Variants in PRORP observed in about 807,000 individuals in gnomAD.
The protein encoded by PRORP is mitochondrial ribonuclease P catalytic subunit.
Under a neutral mutation model 59.4 loss-of-function variants are expected in PRORP, and 51 were observed. The observed-to-expected ratio is 0.86, with a 90% CI of 0.69 to 1.08. The LOEUF is 1.08. Among genes scored for constraint, PRORP ranks in the 50% least tolerant of loss-of-function variants. The pLI, the probability that PRORP is intolerant of heterozygous loss-of-function variation, is 0.00. For missense variants in PRORP, 646 were observed against 690.3 expected, an observed-to-expected ratio of 0.94 and a Z score of 0.72; for synonymous variants, 231 against 245.6, an observed-to-expected ratio of 0.94 and a Z score of 0.55.
chr14:35,180,836 T>A, intron 5 of PRORP, 59 bp downstream of exon 5: 1 of 1,141,622 alleles, frequency 8.8e-7, no homozygotes, highest in South Asian at 1.3e-5. Flanking sequence ...TATACCCATT[T>A]ATGACCTTCT....
intron 4 of PRORP, among the ~76,000 whole-genome samples, chr14:35,169,017 AAATTT>A (rs1259539857): frequency 6.6e-6 from 1 of 151,128 alleles, no homozygotes; most frequent in African/African-American, 2.4e-5. Flanking sequence ...ACTTTCTTTG[AAATTT>A]AATTTGCTCT....
chr14:35,123,224 C>G lies in PRORP; in HGVS notation c.-22C>G, dbSNP rs138276182. The G allele has an allele frequency of 6.7e-5, 107 of 1,592,574 alleles. 1 individual carries two copies. The African/African-American group carries it at 1.1e-3, about 17-fold the overall frequency. On this transcript the variant is annotated 5_prime_UTR_variant, in exon 2 of 8. It adds an upstream start codon to the 5' untranslated region. Coordinates refer to ENST00000534898, the MANE Select transcript of PRORP (RefSeq NM_014672.4). ...GTTTTTTCAACATCTCTCTCACTAT[C>G]TGGTGCTGATCTCACTGCATAATGA...
At chr14:35,271,568 T>A (rs2051191355) in intron 7 of PRORP, among the ~76,000 whole-genome samples, 1 of 152,222 alleles carries the variant, frequency 6.6e-6, no homozygotes, top group Non-Finnish European at 1.5e-5. Context: ...TTTTCCCTGT[T>A]TAATTCATTT....
chr14:35,163,307 T>G (rs918189796), intron 4 of PRORP, among the ~76,000 whole-genome samples: 1 of 152,166 alleles, frequency 6.6e-6, no homozygotes. Flanking sequence ...TATGTACTCT[T>G]GCTGTATTTG....
chr14:35,185,919 T>C (rs562156051), intron 5 of PRORP, among the ~76,000 whole-genome samples: 1 of 152,338 alleles, frequency 6.6e-6, no homozygotes, highest in South Asian at 2.1e-4. Flanking sequence ...TGTACAATTT[T>C]GTTGGTTACT....
intron 5 of PRORP, among the ~76,000 whole-genome samples, chr14:35,202,320 G>C (rs1205309856): frequency 6.6e-6 from 1 of 152,014 alleles, no homozygotes; most frequent in Non-Finnish European, 1.5e-5. Context: ...AATCATCTTT[G>C]AAAGAAAAAT....
chr14:35,168,453 C>T (rs541514376), intron 4 of PRORP, among the ~76,000 whole-genome samples: 6 of 152,190 alleles, frequency 3.9e-5, no homozygotes, highest in Non-Finnish European at 5.9e-5. Context: ...CTAGTTGATA[C>T]TCAGGTTTTG....
At chr14:35,260,867 A>C (rs2050887704) in intron 5 of PRORP, among the ~76,000 whole-genome samples, 1 of 152,138 alleles carries the variant, frequency 6.6e-6, no homozygotes, top group South Asian at 2.1e-4. Flanking sequence ...CTCAATAAAG[A>C]TCCTCCTGCT....
chr14:35,256,796 C>T (rs1365684835), intron 5 of PRORP, among the ~76,000 whole-genome samples: 1 of 151,624 alleles, frequency 6.6e-6, no homozygotes, highest in Non-Finnish European at 1.5e-5. Context: ...TGCAGCTGAG[C>T]GATGGGTACA....
intron 4 of PRORP, among the ~76,000 whole-genome samples, chr14:35,175,555 C>T (rs2048426447): frequency 6.6e-6 from 1 of 151,184 alleles, no homozygotes; most frequent in Admixed American, 6.6e-5. Context: ...TGAGAAGTGT[C>T]TGTTCATGTC....
chr14:35,266,670 C>A, intron 5 of PRORP, 57 bp from the exon 6 acceptor site: 1 of 1,586,972 alleles, frequency 6.3e-7, no homozygotes, highest in South Asian at 1.1e-5. Context: ...AAAAATCACT[C>A]CACTAATTTG....
chr14:35,135,123 C>CA (rs1566447723), intron 4 of PRORP, among the ~76,000 whole-genome samples: 1 of 152,234 alleles, frequency 6.6e-6, no homozygotes, highest in African/African-American at 2.4e-5. Context: ...CCCAAACACT[C>CA]AGAGTCTTTC....
In PRORP at chr14:35,247,714, TC is replaced by T. The variant is rs764209534; in HGVS notation, c.1276-19011del. On this transcript the variant is annotated intron_variant, in intron 5 of 7. Coordinates refer to ENST00000534898, the MANE Select transcript of PRORP (RefSeq NM_014672.4). ...GGAAATTTAATCAAATTTTGATATT[TC>T]CATATCAAAATAAGTTAGTTTAATC... Among the ~76,000 whole-genome samples the T allele has an allele frequency of 5.3e-5, 8 of 152,334 alleles. No homozygotes were observed. The South Asian group carries it at 8.3e-4, about 16-fold the overall frequency.
intron 4 of PRORP, among the ~76,000 whole-genome samples, chr14:35,157,538 C>T (rs1269892314): frequency 6.6e-6 from 1 of 152,090 alleles, no homozygotes; most frequent in Non-Finnish European, 1.5e-5. Context: ...CCCAGGCACC[C>T]GCTGCCACAC....
chr14:35,148,006 A>G (rs2047652404), intron 4 of PRORP, among the ~76,000 whole-genome samples: 1 of 152,182 alleles, frequency 6.6e-6, no homozygotes, highest in Non-Finnish European at 1.5e-5. Flanking sequence ...TTCTCTTGCT[A>G]TTTCCACCAT....
At position 35,224,726 on chromosome 14, in the gene PRORP, A is replaced by T. The variant is rs990141564; in HGVS notation, c.1276-42001A>T. Among the ~76,000 whole-genome samples, 4 of 152,242 alleles carry T rather than the reference A, an allele frequency of 2.6e-5. No homozygotes were observed. In the East Asian group the frequency reaches 5.8e-4, roughly 22 times the overall value. On this transcript the variant is annotated intron_variant, in intron 5 of 7. Coordinates refer to ENST00000534898, the MANE Select transcript of PRORP (RefSeq NM_014672.4). ...AATTAAGGACTTTGTCAGACGTGTA[A>T]CACTTTAACCTTCTTAGTTATAACT...
chr14:35,237,740 C>A (rs901794881), intron 5 of PRORP, among the ~76,000 whole-genome samples: 2 of 152,170 alleles, frequency 1.3e-5, no homozygotes, highest in Admixed American at 1.3e-4. Flanking sequence ...CTCACTGCAA[C>A]CTCTGCCTCC....
At chr14:35,262,498 G>A (rs2050930349) in intron 5 of PRORP, 1 of 545,068 alleles carries the variant, frequency 1.8e-6, no homozygotes, top group African/African-American at 1.9e-5. Flanking sequence ...CAACATTCCA[G>A]AAAATGGTGA....
intron 5 of PRORP, 64 bp downstream of exon 5, chr14:35,180,841 C>A (rs1053119730): frequency 7.6e-5 from 82 of 1,083,662 alleles, no homozygotes; most frequent in Middle Eastern, 2.3e-4. Flanking sequence ...CCATTTATGA[C>A]CTTCTTGGGG....
Sources: gnomAD v4.1 joint callset for allele counts (sites outside exome capture counted in the v4.1 genomes callset) on GRCh38, gnomAD v4.1.1 for gene constraint, MANE v1.5 for transcripts, NCBI Gene and HGNC (gene_info 2026-07-23, HGNC 2026-07-21) for gene names.